The following CDH22 variants were observed in gnomAD, a reference collection of about 807,000 sequenced individuals.
CDH22 encodes the protein cadherin-22.
Under a neutral mutation model 58.4 loss-of-function variants are expected in CDH22, and 30 were observed. The ratio of observed to expected loss-of-function variants is 0.51; its 90% CI spans 0.38 to 0.70. The LOEUF (loss-of-function observed/expected upper bound fraction) is 0.70, where lower values mean the gene tolerates loss of function less well. Among genes scored for constraint, CDH22 ranks in the 30% least tolerant of loss-of-function variants. CDH22 has a pLI of 0.00. For synonymous variants in CDH22, 513 were observed against 558.2 expected (o/e 0.92, Z 1.14); for missense variants, 1,014 against 1,233.9 (o/e 0.82, Z 2.67).
chr20:46,229,341 T>C (rs1052701180), intron 3 of CDH22, among the ~76,000 whole-genome samples: 8 of 142,138 alleles, frequency 5.6e-5, no homozygotes, highest in African/African-American at 2.1e-4. Context: ...GGGGAAAAGA[T>C]TTCACTGAGG....
intron 11 of CDH22, among the ~76,000 whole-genome samples, chr20:46,175,793 T>A (rs1382204668): frequency 6.6e-6 from 1 of 152,182 alleles, no homozygotes; most frequent in Admixed American, 6.5e-5. Flanking sequence ...TAACAAGACC[T>A]GCAGACCTGA....
At chr20:46,247,596 C>T (rs1358071246) in intron 2 of CDH22, among the ~76,000 whole-genome samples, 1 of 152,148 alleles carries the variant, frequency 6.6e-6, no homozygotes, top group Non-Finnish European at 1.5e-5. Context: ...AAATGTTATG[C>T]TATTTTATAT....
At chr20:46,265,644 G>T (rs1450401439) in intron 1 of CDH22, among the ~76,000 whole-genome samples, 3 of 152,114 alleles carry the variant, frequency 2.0e-5, no homozygotes, top group Non-Finnish European at 2.9e-5. Flanking sequence ...ATACTGAATG[G>T]TCTTTTGCAT....
At chr20:46,297,188 G>A (rs1052916796) in intron 1 of CDH22, among the ~76,000 whole-genome samples, 5 of 152,070 alleles carry the variant, frequency 3.3e-5, no homozygotes, top group African/African-American at 9.7e-5. Flanking sequence ...GGCTGCTCAA[G>A]GGCTCCAGGA....
intron 1 of CDH22, among the ~76,000 whole-genome samples, chr20:46,262,339 G>A (rs1182207605): frequency 1.3e-5 from 2 of 151,976 alleles, no homozygotes; most frequent in Admixed American, 1.3e-4. Context: ...ATCAGAGCTG[G>A]GGTCTTATGT....
intron 5 of CDH22, among the ~76,000 whole-genome samples, chr20:46,215,422 A>C (rs1454534470): frequency 6.6e-6 from 1 of 152,242 alleles, no homozygotes; most frequent in Non-Finnish European, 1.5e-5. Context: ...CATTTATATA[A>C]GGTTCAAAAA....
chr20:46,285,902 C>T (rs1472217850), intron 1 of CDH22, among the ~76,000 whole-genome samples: 1 of 152,216 alleles, frequency 6.6e-6, no homozygotes, highest in Non-Finnish European at 1.5e-5. Flanking sequence ...TGACCTTAGG[C>T]ATGTCTCTTC....
chr20:46,226,236 T>G (rs1474679945), intron 4 of CDH22, among the ~76,000 whole-genome samples: 1 of 6,588 alleles, frequency 1.5e-4, no homozygotes, highest in Non-Finnish European at 3.7e-4. Flanking sequence ...CAACACCTTC[T>G]TCTTCTTCTT....
At chr20:46,263,284 C>T (rs1459539727) in intron 1 of CDH22, among the ~76,000 whole-genome samples, 1 of 152,178 alleles carries the variant, frequency 6.6e-6, no homozygotes, top group African/African-American at 2.4e-5. Flanking sequence ...CCTCAGACTG[C>T]TCTTCTATGC....
intron 4 of CDH22, among the ~76,000 whole-genome samples, chr20:46,223,713 CTT>C (rs11469863): frequency 0.33 from 17,358 of 53,112 alleles, 1,314 homozygotes; most frequent in Middle Eastern, 0.46. Context: ...TTCTTTCTTT[CTT>C]TTTCTTTCTT....
intron 7 of CDH22, among the ~76,000 whole-genome samples, chr20:46,204,568 C>T (rs116892240): frequency 1.7e-4 from 26 of 152,222 alleles, no homozygotes; most frequent in Admixed American, 1.4e-3. Flanking sequence ...ATGAGCTCTT[C>T]GAATCCTCAG....
intron 8 of CDH22, 130 bp from the exon 9 acceptor site, chr20:46,187,077 C>G: frequency 2.3e-6 from 2 of 887,798 alleles, no homozygotes; most frequent in East Asian, 5.2e-5. Flanking sequence ...CAAGCTGGTA[C>G]AAGGACCAGA....
At chr20:46,252,887 A>C (rs2086387385) in intron 1 of CDH22, among the ~76,000 whole-genome samples, 1 of 152,178 alleles carries the variant, frequency 6.6e-6, no homozygotes. Context: ...GGTGTTTGGA[A>C]AGGGAAAGTA....
At position 46,174,821 on chromosome 20, in the gene CDH22, G is replaced by C; in HGVS notation, c.2172C>G (p.Ala724=). Residue 724 remains alanine, a synonymous_variant, in exon 12 of 12, where the codon GCC becomes GCG. Coordinates refer to ENST00000537909, the MANE Select transcript of CDH22 (RefSeq NM_021248.3). This position sits in a 1 kb window ranked among gnomAD's most constrained non-coding sequence, Gnocchi z 4.4. Reference sequence around the variant, plus strand: ...GCGAGTGGCGCTCGGAGGGCAGGTGGGCCTGCGGGGGGCTGCCCGCGCCCC... The same window carrying C: ...GCGAGTGGCGCTCGGAGGGCAGGTGCGCCTGCGGGGGGCTGCCCGCGCCCC... ...SGGGAGSPPQ[A]HLPSERHSLP... is the part of the protein sequence containing the mutation. The C allele has an allele frequency of 6.9e-7, 1 of 1,450,962 alleles. No homozygotes were observed. The highest frequency in any genetic ancestry group is 9.1e-7 in the Non-Finnish European group (1 of 1,104,190). The allele number at this position is 1,450,962 out of a possible 1,614,324, so 89.9% of individuals were successfully genotyped here. A position where few individuals can be genotyped will look rare whatever the true frequency, so the allele number is the denominator to read the frequency against.
At chr20:46,256,622 G>C (rs1473447409) in intron 1 of CDH22, among the ~76,000 whole-genome samples, 1 of 152,154 alleles carries the variant, frequency 6.6e-6, no homozygotes, top group Non-Finnish European at 1.5e-5. Flanking sequence ...GAGCCTACAG[G>C]CTCTCTTGGG....
At chr20:46,265,859 T>C (rs1433459827) in intron 1 of CDH22, among the ~76,000 whole-genome samples, 1 of 152,060 alleles carries the variant, frequency 6.6e-6, no homozygotes, top group African/African-American at 2.4e-5. Context: ...CTACTTCTCT[T>C]CCTGTTCCAC....
intron 10 of CDH22, among the ~76,000 whole-genome samples, chr20:46,181,794 T>TCC (rs1320585060): frequency 8.8e-6 from 1 of 113,504 alleles, no homozygotes. Flanking sequence ...TTTCTTTCTT[T>TCC]TCTCTCTCTT....
At chr20:46,194,656 G>A (rs1194152947) in intron 8 of CDH22, among the ~76,000 whole-genome samples, 1 of 152,216 alleles carries the variant, frequency 6.6e-6, no homozygotes, top group African/African-American at 2.4e-5. Flanking sequence ...ATCCTTGGGG[G>A]ATTTATGTTT....
Position 46,296,442 on chromosome 20 carries a change from A to G in CDH22, c.-400+11813T>C, listed in dbSNP as rs377022392. Among the ~76,000 whole-genome samples, 613 of 152,360 alleles carry G rather than the reference A, an allele frequency of 4.0e-3. 6 individuals are homozygous for G. The highest frequency in any genetic ancestry group is 0.014 in the African/African-American group (578 of 41,578). ...ATGTATCCAACAGGGATTGGTGCCC[A>G]GATCTGCCTGTCTCTGACTGCCATT... On this transcript the variant is annotated intron_variant, in intron 1 of 11. Coordinates refer to ENST00000537909, the MANE Select transcript of CDH22 (RefSeq NM_021248.3).
Sources: allele counts gnomAD v4.1 joint callset (sites outside exome capture counted in the v4.1 genomes callset), GRCh38; gene constraint gnomAD v4.1.1; non-coding constraint Gnocchi (gnomAD v3.1); transcripts MANE v1.5; gene names NCBI Gene and HGNC (gene_info 2026-07-23, HGNC 2026-07-21).